The following ARHGEF28 variants were observed in gnomAD, a reference collection of about 807,000 sequenced individuals.
ARHGEF28 encodes the protein 190 kDa guanine nucleotide exchange factor.
Under a neutral mutation model 206.6 loss-of-function variants are expected in ARHGEF28, and 152 were observed. That is an observed-to-expected ratio of 0.74 (90% confidence interval 0.64 to 0.84). The LOEUF (loss-of-function observed/expected upper bound fraction) is 0.84, where lower values mean the gene tolerates loss of function less well. Among genes scored for constraint, ARHGEF28 ranks in the 40% least tolerant of loss-of-function variants. The pLI is 0.00. For synonymous variants in ARHGEF28, 763 were observed against 776.4 expected (o/e 0.98, Z 0.29); for missense variants, 2,028 against 2,073.2 (o/e 0.98, Z 0.42).
chr5:73,859,130 A>G (rs1016706723), intron 16 of ARHGEF28, among the ~76,000 whole-genome samples: 2 of 152,066 alleles, frequency 1.3e-5, no homozygotes, highest in Non-Finnish European at 2.9e-5. Flanking sequence ...TATAATATTT[A>G]CCACCATCTA....
intron 33 of ARHGEF28, among the ~76,000 whole-genome samples, chr5:73,905,895 G>A (rs572764204): frequency 6.6e-6 from 1 of 152,208 alleles, no homozygotes; most frequent in South Asian, 2.1e-4. Context: ...ATGGATTAGG[G>A]TATCTGATTA....
At position 73,753,001 on chromosome 5, in the gene ARHGEF28, G is replaced by C. The variant is rs767537768; in HGVS notation, c.274G>C (p.Val92Leu). The C allele has an allele frequency of 6.2e-7, 1 of 1,613,362 alleles. No homozygotes were observed. Among genetic ancestry groups the C allele is most frequent in the South Asian group, 1.1e-5 (1 of 90,860 alleles). The change falls in exon 4 of 36, where the codon GTG becomes CTG. Residue 92 changes from valine to leucine, a missense_variant. By Grantham distance (32) the Val-to-Leu change is conservative. Transcript: ENST00000513042. ...VTMGSGSVTY[V>L]DNMACRLARL... is the part of the protein sequence containing the mutation. Reference sequence around the variant, plus strand: ...CATGGGCTCTGGCTCAGTGACCTACGTGGACAACATGGCTTGCAGGCTGGC... The same window carrying C: ...CATGGGCTCTGGCTCAGTGACCTACCTGGACAACATGGCTTGCAGGCTGGC...
At chr5:73,785,600 G>A (rs1344268210) in intron 7 of ARHGEF28, among the ~76,000 whole-genome samples, 1 of 152,078 alleles carries the variant, frequency 6.6e-6, no homozygotes. Context: ...TGCCTGCCTG[G>A]CATCTACTGG....
intron 2 of ARHGEF28, among the ~76,000 whole-genome samples, chr5:73,692,601 G>C (rs1034837273): frequency 6.6e-6 from 1 of 152,152 alleles, no homozygotes; most frequent in Non-Finnish European, 1.5e-5. Flanking sequence ...AGAGGTAGTG[G>C]GGGAAACTCT....
chr5:73,668,028 T>C (rs1339101542), intron 1 of ARHGEF28, among the ~76,000 whole-genome samples: 2 of 152,240 alleles, frequency 1.3e-5, no homozygotes, highest in Non-Finnish European at 2.9e-5. Context: ...ATTCTGGTCA[T>C]GGCACTTAAG....
rs113423372 is a variant in ARHGEF28 at position 73,921,744 on chromosome 5, C to T, written c.4948+10169C>T. Among the ~76,000 whole-genome samples the T allele has an allele frequency of 1.7e-3, 254 of 152,264 alleles. 1 individual carries two copies. Among genetic ancestry groups the T allele is most frequent in the African/African-American group, 5.8e-3 (240 of 41,544 alleles). On this transcript the variant is annotated intron_variant, in intron 35 of 35. Coordinates refer to ENST00000513042, the MANE Select transcript of ARHGEF28 (RefSeq NM_001177693.2). ...ATTAAATACAGAATATTTGGATCATCCACTAGAAATTCGGGAGACTCTGCT... is the reference window on the plus strand; with the variant it reads ...ATTAAATACAGAATATTTGGATCATTCACTAGAAATTCGGGAGACTCTGCT...
At chr5:73,670,772 T>A (rs533813613) in intron 1 of ARHGEF28, among the ~76,000 whole-genome samples, 1 of 152,346 alleles carries the variant, frequency 6.6e-6, no homozygotes, top group South Asian at 2.1e-4. Context: ...ATTTGCCATC[T>A]GTATATCCTT....
chr5:73,774,087 C>A (rs749180052), intron 5 of ARHGEF28, 49 bp downstream of exon 5: 4 of 1,476,812 alleles, frequency 2.7e-6, no homozygotes, highest in Non-Finnish European at 3.6e-6. Flanking sequence ...TAAAGTCGGC[C>A]AAGCATTATA....
At chr5:73,753,250 C>T in intron 4 of ARHGEF28, 48 bp downstream of exon 4, 5 of 1,496,208 alleles carry the variant, frequency 3.3e-6, no homozygotes, top group Non-Finnish European at 4.5e-6. Context: ...GTGTCAAGTT[C>T]AGAATGTACC....
chr5:73,631,119 C>T (rs1743340459), intron 1 of ARHGEF28, among the ~76,000 whole-genome samples: 1 of 152,062 alleles, frequency 6.6e-6, no homozygotes, highest in African/African-American at 2.4e-5. Context: ...TGGTATAGCT[C>T]TGGAAAGAGG....
rs540957206 is a variant in ARHGEF28 at position 73,765,940 on chromosome 5, C to T, written c.476-7915C>T. Among the ~76,000 whole-genome samples the T allele has an allele frequency of 2.0e-3, 309 of 152,254 alleles. 1 individual carries two copies. The highest frequency in any genetic ancestry group is 3.3e-3 in the Non-Finnish European group (223 of 68,012). The stretch of plus-strand genomic sequence containing the variant: ...GGCCGAGGTGGGCGGATCACAAGGT[C>T]AGGAGATCGAGACCATCTTGGCTAA... On this transcript the variant is annotated intron_variant, in intron 4 of 35. Coordinates refer to ENST00000513042, the MANE Select transcript of ARHGEF28 (RefSeq NM_001177693.2).
Position 73,886,828 on chromosome 5 carries a change from G to A in ARHGEF28, c.3310+724G>A, listed in dbSNP as rs151260067. 1.6e-3 allele frequency among the ~76,000 whole-genome samples: 248 copies of A among 152,284 alleles called. 1 individual carries two copies. Among genetic ancestry groups the A allele is most frequent in the African/African-American group, 5.6e-3 (233 of 41,550 alleles). Reference sequence around the variant, plus strand: ...ACCAAAGCCCATGGGATGTTTAAAGGCTCCCCAAGTGAGACTACTCTGCAG... The same window carrying A: ...ACCAAAGCCCATGGGATGTTTAAAGACTCCCCAAGTGAGACTACTCTGCAG... On this transcript the variant is annotated intron_variant, in intron 25 of 35. Coordinates refer to ENST00000513042, the MANE Select transcript of ARHGEF28 (RefSeq NM_001177693.2).
chr5:73,799,844 C>G (rs1231526759), intron 9 of ARHGEF28, among the ~76,000 whole-genome samples: 1 of 152,134 alleles, frequency 6.6e-6, no homozygotes, highest in Non-Finnish European at 1.5e-5. Flanking sequence ...ATAGCACTGG[C>G]TGGCATCCTC....
intron 2 of ARHGEF28, among the ~76,000 whole-genome samples, chr5:73,733,614 C>A (rs1220548372): frequency 1.3e-5 from 2 of 152,000 alleles, no homozygotes; most frequent in African/African-American, 4.8e-5. Flanking sequence ...TAACTAAAAC[C>A]CACCTGTACC....
chr5:73,641,135 T>C (rs980266656), intron 1 of ARHGEF28, among the ~76,000 whole-genome samples: 30 of 152,254 alleles, frequency 2.0e-4, no homozygotes, highest in Non-Finnish European at 3.8e-4. Context: ...ATTGTTTAGC[T>C]AGAGGATAAG....
At chr5:73,933,847 T>TA (rs970932469) in intron 35 of ARHGEF28, among the ~76,000 whole-genome samples, 11 of 150,560 alleles carry the variant, frequency 7.3e-5, no homozygotes, top group East Asian at 5.8e-4. Flanking sequence ...TCATCACATC[T>TA]AAAAAAAAAT....
intron 1 of ARHGEF28, among the ~76,000 whole-genome samples, chr5:73,633,221 G>T (rs1743476899): frequency 1.3e-5 from 2 of 152,134 alleles, no homozygotes; most frequent in Admixed American, 1.3e-4. Flanking sequence ...ACTCTCTTGC[G>T]TACTGCTCAA....
Position 73,893,188 on chromosome 5 carries a change from C to A in ARHGEF28, c.3567-9C>A. ...TTCAGTTGTGTCTCTTGACTATTGT[C>A]TTTTAAAGTTGTCCTGAAGAAAAAG... On this transcript the variant is annotated splice_polypyrimidine_tract_variant and intron_variant, in intron 27 of 35. Transcript: ENST00000513042. The A allele has an allele frequency of 6.5e-7, 1 of 1,541,330 alleles. No homozygotes were observed. Among genetic ancestry groups the A allele is most frequent in the South Asian group, 1.2e-5 (1 of 80,508 alleles).
chr5:73,661,569 G>A (rs1745599805), intron 1 of ARHGEF28, among the ~76,000 whole-genome samples: 1 of 151,972 alleles, frequency 6.6e-6, no homozygotes, highest in African/African-American at 2.4e-5. Flanking sequence ...ATAATTTCTT[G>A]CTTTTGATTT....
Sources: allele counts gnomAD v4.1 joint callset (sites outside exome capture counted in the v4.1 genomes callset), GRCh38; gene constraint gnomAD v4.1.1; transcripts MANE v1.5; gene names NCBI Gene and HGNC (gene_info 2026-07-23, HGNC 2026-07-21).